Variants in PRSS23 observed in about 807,000 individuals in gnomAD.
PRSS23 encodes serine protease 23.
PRSS23 carries 25 observed loss-of-function variants against 34.7 expected under a neutral mutation model. The observed-to-expected ratio is 0.72, with a 90% CI of 0.53 to 1.01. The LOEUF is 1.01. PRSS23 is among the 50% of genes least tolerant of loss of function. The pLI, the probability that PRSS23 is intolerant of heterozygous loss-of-function variation, is 0.00. For synonymous variants in PRSS23, 176 were observed against 186.6 expected (o/e 0.94, Z 0.46); for missense variants, 445 against 475.6 (o/e 0.94, Z 0.60).
At chr11:86,865,720 G>A (rs1411280873) in intron 2 of PRSS23, among the ~76,000 whole-genome samples, 1 of 152,204 alleles carries the variant, frequency 6.6e-6, no homozygotes, top group Non-Finnish European at 1.5e-5. Flanking sequence ...TCCGTGGACA[G>A]TGCTGCCAGC....
chr11:86,899,391 C>T (rs1948896608), intron 2 of PRSS23, among the ~76,000 whole-genome samples: 1 of 152,116 alleles, frequency 6.6e-6, no homozygotes, highest in African/African-American at 2.4e-5. Flanking sequence ...TGGCAGCTCG[C>T]ACCTGTAGTC....
intron 2 of PRSS23, chr11:86,892,238 G>A (rs963782526): frequency 3.9e-5 from 6 of 152,346 alleles, no homozygotes; most frequent in Admixed American, 6.5e-5. Flanking sequence ...ATCTCTTTCC[G>A]AAAGAGAATT....
At chr11:86,912,589 T>C (rs1948984975) in intron 2 of PRSS23, among the ~76,000 whole-genome samples, 1 of 152,208 alleles carries the variant, frequency 6.6e-6, no homozygotes, top group Admixed American at 6.5e-5. Context: ...TTTTTATTTC[T>C]CATATTGCAT....
At chr11:86,862,441 A>C (rs1948622703) in intron 2 of PRSS23, among the ~76,000 whole-genome samples, 1 of 151,926 alleles carries the variant, frequency 6.6e-6, no homozygotes, top group Non-Finnish European at 1.5e-5. Flanking sequence ...TAGTGATACT[A>C]TTCGTAATAC....
upstream of PRSS23, chr11:86,800,499 G>A (rs1244055356): frequency 2.0e-4 from 198 of 984,208 alleles, no homozygotes; most frequent in Non-Finnish European, 2.4e-4. Context: ...GGTGGCGCGG[G>A]GGGCGGACCC....
intron 1 of PRSS23, among the ~76,000 whole-genome samples, chr11:86,800,921 G>A (rs1244147325): frequency 3.3e-5 from 5 of 152,136 alleles, no homozygotes; most frequent in African/African-American, 1.2e-4. Context: ...TGCTGTCTTG[G>A]GTGCAGGATG....
intron 2 of PRSS23, among the ~76,000 whole-genome samples, chr11:86,855,860 C>A (rs189313619): frequency 7.9e-5 from 12 of 152,274 alleles, no homozygotes; most frequent in Admixed American, 3.3e-4. Flanking sequence ...TCATTCTGTG[C>A]CTGGCTTATT....
At chr11:86,913,290 A>AG (rs1948990501) in intron 2 of PRSS23, among the ~76,000 whole-genome samples, 1 of 134,780 alleles carries the variant, frequency 7.4e-6, no homozygotes, top group South Asian at 2.4e-4. Flanking sequence ...AAAAAAAAAA[A>AG]ACCTATTAAA....
intron 2 of PRSS23, among the ~76,000 whole-genome samples, chr11:86,897,841 G>T (rs193045004): frequency 4.6e-5 from 7 of 152,286 alleles, no homozygotes; most frequent in Admixed American, 4.6e-4. Flanking sequence ...TGCTCTTTGC[G>T]CTCAGCATCT....
intron 2 of PRSS23, among the ~76,000 whole-genome samples, chr11:86,880,692 G>A (rs1948767171): frequency 6.6e-6 from 1 of 152,014 alleles, no homozygotes; most frequent in African/African-American, 2.4e-5. Context: ...TCCCCTCCCT[G>A]TGTCCATGTG....
In PRSS23 at chr11:86,808,799, A is replaced by C. The variant is rs750365702; in HGVS notation, c.*4A>C. 1 of 1,598,022 alleles carries C rather than the reference A, an allele frequency of 6.3e-7. No individual in the cohort carries two copies. The highest frequency in any genetic ancestry group is 8.5e-7 in the Non-Finnish European group (1 of 1,170,360). On this transcript the variant is annotated 3_prime_UTR_variant, in exon 2 of 2. Coordinates refer to ENST00000280258, the MANE Select transcript of PRSS23 (RefSeq NM_007173.6). ...CCTGGATTGTAGGGAGGGGTGACAC[A>C]GTGTTCCCTCCTGGCAGCAATTAAG...
intron 2 of PRSS23, among the ~76,000 whole-genome samples, chr11:86,930,114 T>C (rs924123483): frequency 6.6e-6 from 1 of 152,006 alleles, no homozygotes; most frequent in Non-Finnish European, 1.5e-5. Context: ...TGTGTATATG[T>C]GTATGTATAC....
At position 86,810,922 on chromosome 11, in the gene PRSS23, G is replaced by T. The variant is rs1463717357; in HGVS notation, c.*2127G>T. 6.0e-6 allele frequency: 1 copy of T among 166,870 alleles called. No individual in the cohort carries two copies. Among genetic ancestry groups the T allele is most frequent in the East Asian group, 1.9e-4 (1 of 5,198 alleles). The allele number at this position is 166,870 out of a possible 1,614,324, so 10.3% of individuals were successfully genotyped here. On this transcript the variant is annotated 3_prime_UTR_variant, in exon 2 of 2. Coordinates refer to ENST00000280258, the MANE Select transcript of PRSS23 (RefSeq NM_007173.6). ...TAGAAGTAGACAGAAAAAGAAAAAA[G>T]GACTCATGGCATTATTAATATAATT...
chr11:86,834,279 G>A (rs1948385044), intron 2 of PRSS23, among the ~76,000 whole-genome samples: 1 of 152,112 alleles, frequency 6.6e-6, no homozygotes, highest in Non-Finnish European at 1.5e-5. Context: ...AATTTTCATT[G>A]GTTAGCTGCA....
At chr11:86,941,380 A>G (rs1949206365) in intron 2 of PRSS23, among the ~76,000 whole-genome samples, 1 of 152,236 alleles carries the variant, frequency 6.6e-6, no homozygotes, top group Non-Finnish European at 1.5e-5. Flanking sequence ...AGTGTGCTGC[A>G]GCGAACTTCT....
intron 2 of PRSS23, among the ~76,000 whole-genome samples, chr11:86,875,236 T>C (rs1311953572): frequency 3.3e-5 from 5 of 152,126 alleles, no homozygotes; most frequent in African/African-American, 1.2e-4. Context: ...CCGGGTGTGG[T>C]GGCGGGTGCC....
At chr11:86,878,233 C>A (rs11823588) in intron 2 of PRSS23, among the ~76,000 whole-genome samples, 1 of 84,798 alleles carries the variant, frequency 1.2e-5, no homozygotes, top group African/African-American at 6.2e-5. Context: ...TACCCCTCCC[C>A]CTCCCTCTCC....
intron 2 of PRSS23, among the ~76,000 whole-genome samples, chr11:86,848,048 C>G (rs1408562454): frequency 6.6e-6 from 1 of 152,204 alleles, no homozygotes; most frequent in African/African-American, 2.4e-5. Context: ...GAGCCAGGCA[C>G]CCGAACTATG....
At chr11:86,793,694 G>A (rs952653847) in intron 1 of PRSS23, among the ~76,000 whole-genome samples, 4 of 152,004 alleles carry the variant, frequency 2.6e-5, no homozygotes, top group African/African-American at 9.7e-5. Flanking sequence ...AATTATTTCT[G>A]ATCTAATATT....
Sources: gnomAD v4.1 joint callset for allele counts (sites outside exome capture counted in the v4.1 genomes callset) on GRCh38, gnomAD v4.1.1 for gene constraint, MANE v1.5 for transcripts, NCBI Gene and HGNC (gene_info 2026-07-23, HGNC 2026-07-21) for gene names.